The following WDR27 variants were observed in gnomAD, a reference collection of about 807,000 sequenced individuals.
WDR27 encodes WD repeat-containing protein 27.
Under a neutral mutation model 114.4 loss-of-function variants are expected in WDR27, and 100 were observed. The observed-to-expected ratio is 0.87, with a 90% CI of 0.74 to 1.03. WDR27 has a LOEUF of 1.03. Ranked by LOEUF, WDR27 falls within the 50% of genes least tolerant of loss-of-function variation. WDR27 has a pLI of 0.00. For missense variants in WDR27, 1,129 were observed against 1,092.9 expected (o/e 1.03, Z -0.47); for synonymous variants, 449 against 423.1 (o/e 1.06, Z -0.75).
chr6:169,500,697 G>A (rs948116692), intron 25 of WDR27, among the ~76,000 whole-genome samples: 3 of 152,112 alleles, frequency 2.0e-5, no homozygotes, highest in African/African-American at 4.8e-5. Flanking sequence ...GGAAGCAGTC[G>A]CTGCACATCA....
intron 7 of WDR27, 104 bp from the exon 8 acceptor site, chr6:169,664,390 G>A (rs903199698): frequency 1.1e-5 from 17 of 1,586,200 alleles, no homozygotes; most frequent in African/African-American, 6.7e-5. Flanking sequence ...GTCACAGGAC[G>A]GGCCCTCCAC....
At chr6:169,607,421 CACATATA>C (rs200652188) in intron 22 of WDR27, among the ~76,000 whole-genome samples, 2,651 of 43,000 alleles carry the variant, frequency 0.062, 68 homozygotes, top group East Asian at 0.2. Flanking sequence ...CACACACACA[CACATATA>C]ATATAATATT....
Position 169,668,006 on chromosome 6 carries a change from C to T in WDR27, c.636G>A (p.Ser212=), listed in dbSNP as rs199809311. ...FCPWRAGTLI[S]ASEDRGFKVW... ...CCTTAAAGCCTCTGTCCTCAGACGC[C>T]GAGATGAGGGTGCCTGCTCGCCAGG... is the stretch of plus-strand genomic sequence containing the variant. Residue 212 remains serine (S), a synonymous_variant, in exon 5 of 26, where the codon TCG becomes TCA. Transcript: ENST00000448612. 3.2e-5 allele frequency: 52 copies of T among 1,613,732 alleles called. No individual in the cohort carries two copies. Among genetic ancestry groups the T allele is most frequent in the African/African-American group, 5.3e-5 (4 of 75,050 alleles).
rs569445661 is a variant in WDR27, at chr6:169,481,076, T to C, written c.2646-23442A>G. 1.3e-4 allele frequency among the ~76,000 whole-genome samples: 20 copies of C among 150,842 alleles called. No individual in the cohort carries two copies. The South Asian group carries it at 3.4e-3, about 25-fold the overall frequency. On this transcript the variant is annotated intron_variant, in intron 25 of 25. Transcript: ENST00000448612. ...TGTATCTAGCTAATCTGGTAGTGAC[T>C]TGGAGAACTTTTATGTCTAGCTAGA...
intron 24 of WDR27, among the ~76,000 whole-genome samples, chr6:169,579,347 A>G (rs1005822609): frequency 3.3e-5 from 5 of 152,222 alleles, no homozygotes; most frequent in African/African-American, 1.2e-4. Flanking sequence ...TGTATTTATC[A>G]TAAGATATAT....
At chr6:169,597,886 A>T (rs1200470038) in intron 23 of WDR27, among the ~76,000 whole-genome samples, 1 of 146,664 alleles carries the variant, frequency 6.8e-6, no homozygotes, top group Non-Finnish European at 1.5e-5. Context: ...ATACACACAC[A>T]CACACACACA....
chr6:169,627,614 C>T (rs1815202075), intron 21 of WDR27, among the ~76,000 whole-genome samples: 2 of 152,328 alleles, frequency 1.3e-5, no homozygotes, highest in African/African-American at 4.8e-5. Flanking sequence ...TCTCCATCCT[C>T]CTCCCTTGGT....
intron 25 of WDR27, among the ~76,000 whole-genome samples, chr6:169,481,344 A>G (rs1426552926): frequency 6.6e-6 from 1 of 152,200 alleles, no homozygotes; most frequent in Non-Finnish European, 1.5e-5. Context: ...GCTCTGTAAA[A>G]TGGACCAATC....
chr6:169,517,005 G>A (rs1282526803), intron 25 of WDR27, among the ~76,000 whole-genome samples: 4 of 152,118 alleles, frequency 2.6e-5, no homozygotes, highest in Non-Finnish European at 5.9e-5. Context: ...AGAAGGAGGG[G>A]TAGAATGATG....
the WDR27 span, among the ~76,000 whole-genome samples, chr6:169,439,089 T>C: frequency 6.6e-6 from 1 of 152,168 alleles, no homozygotes; most frequent in African/African-American, 2.4e-5. Context: ...GATTTTTCAG[T>C]TGGGCCCCAA....
intron 23 of WDR27, 59 bp downstream of exon 23, chr6:169,602,160 G>A (rs780646139): frequency 3.0e-6 from 4 of 1,311,742 alleles, no homozygotes; most frequent in Non-Finnish European, 3.2e-6. Context: ...ATATTAAACA[G>A]TCTACACATT....
rs564218188 is a variant in WDR27 at position 169,489,236 on chromosome 6, G to A, written c.2646-31602C>T. Among the ~76,000 whole-genome samples the A allele has an allele frequency of 2.4e-4, 37 of 152,300 alleles. No individual in the cohort carries two copies. The South Asian group carries it at 5.4e-3, about 22-fold the overall frequency. Reference sequence around the variant, plus strand: ...ATGGCACCTGCACAGATGCCTCAACGTGCACACAGGCTGTAAGACGAGACT... The same window carrying A: ...ATGGCACCTGCACAGATGCCTCAACATGCACACAGGCTGTAAGACGAGACT... On this transcript the variant is annotated intron_variant, in intron 25 of 25. Transcript: ENST00000448612.
At chr6:169,586,712 G>A (rs1192851982) in intron 23 of WDR27, among the ~76,000 whole-genome samples, 1 of 151,872 alleles carries the variant, frequency 6.6e-6, no homozygotes, top group Non-Finnish European at 1.5e-5. Context: ...AGCTGGGCGT[G>A]GTGGCACGTG....
Position 169,567,329 on chromosome 6 carries a change from G to A in WDR27, c.2645+5090C>T, listed in dbSNP as rs140872107. Among the ~76,000 whole-genome samples, 286 of 152,260 alleles carry A rather than the reference G, an allele frequency of 1.9e-3. 1 individual carries two copies. Among genetic ancestry groups the A allele is most frequent in the African/African-American group, 6.2e-3 (259 of 41,550 alleles). On this transcript the variant is annotated intron_variant, in intron 25 of 25. Transcript: ENST00000448612. ...TACAGAGAAGGGCACCCTCACAGAC[G>A]GTCTGCGTGGCAGAACAGTGCATGT...
At chr6:169,541,510 T>C (rs1032204785) in intron 25 of WDR27, among the ~76,000 whole-genome samples, 11 of 152,294 alleles carry the variant, frequency 7.2e-5, no homozygotes, top group South Asian at 2.1e-4. Flanking sequence ...GTGCTGAGAA[T>C]TGCAGAACCA....
At chr6:169,459,930 C>A (rs1280102188) in intron 25 of WDR27, among the ~76,000 whole-genome samples, 1 of 152,012 alleles carries the variant, frequency 6.6e-6, no homozygotes, top group Non-Finnish European at 1.5e-5. Context: ...AGTTTGTTAC[C>A]ACTAGACCTG....
At chr6:169,551,197 T>A (rs1380605795) in intron 25 of WDR27, among the ~76,000 whole-genome samples, 1 of 152,146 alleles carries the variant, frequency 6.6e-6, no homozygotes, top group Non-Finnish European at 1.5e-5. Context: ...CATACTTCAG[T>A]TGGATGAAAC....
Position 169,659,427 on chromosome 6 carries a change from G to A in WDR27, c.1197+24C>T, listed in dbSNP as rs1410625950. The A allele has an allele frequency of 6.2e-7, 1 of 1,602,916 alleles. No homozygotes were observed. The highest frequency in any genetic ancestry group is 8.5e-7 in the Non-Finnish European group (1 of 1,174,752). ...AATCAGAGGCACGTCTCATAGACAG[G>A]GAGGGCCGCGTCTCAGGACTGACCT... On this transcript the variant is annotated intron_variant, in intron 11 of 25. Transcript: ENST00000448612. The surrounding 1 kb of genome is among the most constrained non-coding windows in gnomAD (Gnocchi z 4.3).
At chr6:169,602,960 GCCTC>G (rs1808324908) in intron 22 of WDR27, among the ~76,000 whole-genome samples, 1 of 151,532 alleles carries the variant, frequency 6.6e-6, no homozygotes, top group South Asian at 2.1e-4. Flanking sequence ...TCCAGCCTCA[GCCTC>G]CCAAGTAGCT....
Sources: gnomAD v4.1 joint callset for allele counts (sites outside exome capture counted in the v4.1 genomes callset) on GRCh38, gnomAD v4.1.1 for gene constraint, Gnocchi (gnomAD v3.1) non-coding constraint, MANE v1.5 for transcripts, NCBI Gene and HGNC (gene_info 2026-07-23, HGNC 2026-07-21) for gene names.